SCAPER: variants seen among roughly 807,000 people sequenced by gnomAD.
SCAPER encodes S phase cyclin A-associated protein in the endoplasmic reticulum.
A neutral mutation model predicts 182.2 loss-of-function variants in SCAPER; 98 were observed. That is an observed-to-expected ratio of 0.54 (90% CI 0.46 to 0.64). The LOEUF (loss-of-function observed/expected upper bound fraction) is 0.64. SCAPER is among the 30% of genes least tolerant of loss of function. The pLI, the probability that SCAPER is intolerant of heterozygous loss-of-function variation, is 0.00. For synonymous variants in SCAPER, 605 were observed against 564.6 expected (o/e 1.07, Z -1.01); for missense variants, 1,432 against 1,690.0 (o/e 0.85, Z 2.68).
At chr15:76,606,801 G>A (rs1249453590) in intron 22 of SCAPER, among the ~76,000 whole-genome samples, 1 of 151,872 alleles carries the variant, frequency 6.6e-6, no homozygotes, top group South Asian at 2.1e-4. Flanking sequence ...GATCTTTGTT[G>A]GTTTAAAGTC....
chr15:76,514,551 T>C (rs543928001), intron 23 of SCAPER, among the ~76,000 whole-genome samples: 93 of 152,346 alleles, frequency 6.1e-4, no homozygotes, highest in African/African-American at 2.2e-3. Context: ...AATAATTATG[T>C]TCTTTGTGAT....
chr15:76,758,421 T>C (rs2062577904), intron 14 of SCAPER, among the ~76,000 whole-genome samples: 1 of 152,186 alleles, frequency 6.6e-6, no homozygotes, highest in Non-Finnish European at 1.5e-5. Flanking sequence ...TTCTGGGTTT[T>C]CTATTAAGTT....
intron 26 of SCAPER, among the ~76,000 whole-genome samples, chr15:76,425,954 G>A (rs921004071): frequency 5.3e-5 from 8 of 152,208 alleles, no homozygotes; most frequent in Non-Finnish European, 8.8e-5. Context: ...AAATGTTGCT[G>A]CCTGATCGTT....
At chr15:76,607,503 G>A (rs913719255) in intron 22 of SCAPER, among the ~76,000 whole-genome samples, 1 of 152,094 alleles carries the variant, frequency 6.6e-6, no homozygotes, top group Non-Finnish European at 1.5e-5. Flanking sequence ...TCTTGGAGTT[G>A]CTCTTCTTGA....
intron 4 of SCAPER, among the ~76,000 whole-genome samples, chr15:76,848,345 T>C (rs2070347685): frequency 1.6e-5 from 2 of 125,928 alleles, no homozygotes; most frequent in African/African-American, 3.7e-5. Flanking sequence ...TTTTTTTTTT[T>C]TGACACAGAG....
At chr15:76,839,469 T>C (rs2069248195) in intron 5 of SCAPER, among the ~76,000 whole-genome samples, 1 of 152,210 alleles carries the variant, frequency 6.6e-6, no homozygotes, top group Non-Finnish European at 1.5e-5. Flanking sequence ...AACTAGTTAG[T>C]ATATACCCAG....
chr15:76,483,152 A>G (rs373511848), intron 24 of SCAPER, among the ~76,000 whole-genome samples: 5 of 152,280 alleles, frequency 3.3e-5, no homozygotes, highest in African/African-American at 9.6e-5. Flanking sequence ...AAATAGACAC[A>G]TAGATCAATG....
At chr15:76,491,019 C>T (rs991071276) in intron 24 of SCAPER, among the ~76,000 whole-genome samples, 1 of 152,078 alleles carries the variant, frequency 6.6e-6, no homozygotes, top group Non-Finnish European at 1.5e-5. Flanking sequence ...AGAGAGAGCC[C>T]TAGAGCCCAG....
intron 21 of SCAPER, among the ~76,000 whole-genome samples, chr15:76,636,237 C>T (rs951472762): frequency 8.5e-5 from 13 of 152,144 alleles, no homozygotes; most frequent in Admixed American, 6.5e-5. Flanking sequence ...CATCTCATTG[C>T]CAAGTGGCCT....
rs371112005 is a variant in SCAPER at position 76,729,787 on chromosome 15, T to TATC, written c.2023-1053_2023-1051dup. ...TGGCATATATAAAATTCTAAATAAT[T>TATC]ATCATCATCATCATCATCAAGCCAG... On this transcript the variant is annotated intron_variant, in intron 16 of 31. Transcript: ENST00000563290. Among the ~76,000 whole-genome samples the TATC allele has an allele frequency of 8.7e-3, 1,320 of 152,096 alleles. 17 individuals are homozygous for TATC. Among genetic ancestry groups the TATC allele is most frequent in the Non-Finnish European group, 0.012 (799 of 67,978 alleles).
At chr15:76,777,481 C>T (rs1305071075) in intron 8 of SCAPER, among the ~76,000 whole-genome samples, 1 of 151,776 alleles carries the variant, frequency 6.6e-6, no homozygotes, top group Admixed American at 6.6e-5. Context: ...GGTGGATCAC[C>T]TGAGGTCAGA....
chr15:76,468,019 C>A (rs973884512), intron 25 of SCAPER, among the ~76,000 whole-genome samples: 1 of 152,084 alleles, frequency 6.6e-6, no homozygotes. Context: ...ATGCTTTTTT[C>A]TATTCTTGTT....
chr15:76,488,395 C>T (rs1020532508), intron 24 of SCAPER, among the ~76,000 whole-genome samples: 1 of 152,026 alleles, frequency 6.6e-6, no homozygotes, highest in Admixed American at 6.6e-5. Flanking sequence ...ATTAACAGTA[C>T]CGCTACCAAT....
intron 20 of SCAPER, among the ~76,000 whole-genome samples, chr15:76,671,747 G>T (rs1397568116): frequency 3.9e-5 from 6 of 152,006 alleles, no homozygotes; most frequent in South Asian, 2.1e-4. Flanking sequence ...TCCAGCCTGG[G>T]AGACAGAGCG....
At chr15:76,670,701 T>C (rs1369298700) in intron 20 of SCAPER, among the ~76,000 whole-genome samples, 1 of 152,242 alleles carries the variant, frequency 6.6e-6, no homozygotes, top group East Asian at 1.9e-4. Context: ...ATTAGTTAAC[T>C]GAAATATTGG....
intron 26 of SCAPER, among the ~76,000 whole-genome samples, chr15:76,430,472 C>T (rs897562621): frequency 2.3e-4 from 35 of 152,208 alleles, no homozygotes; most frequent in East Asian, 5.8e-4. Context: ...CCGCCCAACA[C>T]GATGGGAACC....
chr15:76,498,880 G>A lies in SCAPER; in HGVS notation c.2954+5979C>T, dbSNP rs148876780. On this transcript the variant is annotated intron_variant, in intron 24 of 31. Coordinates refer to ENST00000563290, the MANE Select transcript of SCAPER (RefSeq NM_020843.4). ...GAATTTTTTTAAAATTATATTTGATGAGTATTGCTTGGTCTGGGTAGCATG... is the reference window on the plus strand; with the variant it reads ...GAATTTTTTTAAAATTATATTTGATAAGTATTGCTTGGTCTGGGTAGCATG... Among the ~76,000 whole-genome samples the A allele has an allele frequency of 2.2e-3, 334 of 152,148 alleles. 1 individual carries two copies. Among genetic ancestry groups the A allele is most frequent in the African/African-American group, 7.7e-3 (319 of 41,432 alleles).
intron 9 of SCAPER, among the ~76,000 whole-genome samples, chr15:76,772,189 T>A (rs1489461083): frequency 6.6e-6 from 1 of 152,068 alleles, no homozygotes; most frequent in East Asian, 1.9e-4. Context: ...TCCAAAGTTT[T>A]CTAAGAAATT....
At position 76,389,609 on chromosome 15, in the gene SCAPER, C is replaced by T. The variant is rs546186459; in HGVS notation, c.3468-7994G>A. Among the ~76,000 whole-genome samples, 29 of 147,858 alleles carry T rather than the reference C, an allele frequency of 2.0e-4. 1 individual carries two copies. Among genetic ancestry groups the T allele is most frequent in the African/African-American group, 4.5e-4 (18 of 39,982 alleles). On this transcript the variant is annotated intron_variant, in intron 27 of 31. Coordinates refer to ENST00000563290, the MANE Select transcript of SCAPER (RefSeq NM_020843.4). ...CGGGCAGATCACGAGGTCAGGTGAT[C>T]GAGACCATCCTGGCTAACACGGTGA...
Sources: allele counts gnomAD v4.1 joint callset (sites outside exome capture counted in the v4.1 genomes callset), GRCh38; gene constraint gnomAD v4.1.1; transcripts MANE v1.5; gene names NCBI Gene and HGNC (gene_info 2026-07-23, HGNC 2026-07-21).